Variants in CPPED1 observed in about 807,000 individuals in gnomAD.
CPPED1 encodes calcineurin like phosphoesterase domain containing 1, also known as serine/threonine-protein phosphatase CPPED1.
A neutral mutation model predicts 28.0 loss-of-function variants in CPPED1; 28 were observed. The ratio of observed to expected loss-of-function variants is 1.00; its 90% CI spans 0.74 to 1.37. The LOEUF (loss-of-function observed/expected upper bound fraction) is 1.37. Among genes scored for constraint, CPPED1 ranks in the 40% most tolerant of loss-of-function variants. The probability of loss-of-function intolerance (pLI) is 0.00; values close to 1 mark genes in which losing one functional copy is unlikely to be tolerated. For synonymous variants in CPPED1, 198 were observed against 180.2 expected (o/e 1.10, Z -0.79); for missense variants, 504 against 416.5 (o/e 1.21, Z -1.83).
intron 2 of CPPED1, among the ~76,000 whole-genome samples, chr16:12,771,607 T>A (rs2080470772): frequency 6.6e-6 from 1 of 152,234 alleles, no homozygotes; most frequent in African/African-American, 2.4e-5. Context: ...TTTTCAAAAT[T>A]ATGCCTCCGA....
intron 3 of CPPED1, among the ~76,000 whole-genome samples, chr16:12,671,427 G>T (rs2079852222): frequency 6.6e-6 from 1 of 152,040 alleles, no homozygotes; most frequent in Non-Finnish European, 1.5e-5. Context: ...AGACAAGAGA[G>T]CAAGGGGAGA....
At chr16:12,728,001 T>G (rs1014755595) in intron 2 of CPPED1, among the ~76,000 whole-genome samples, 5 of 152,254 alleles carry the variant, frequency 3.3e-5, no homozygotes, top group Non-Finnish European at 7.3e-5. Flanking sequence ...TCATACAAAC[T>G]GAATTAATTC....
intron 2 of CPPED1, among the ~76,000 whole-genome samples, chr16:12,715,636 A>G (rs139602644): frequency 0.034 from 5,157 of 152,252 alleles, 129 homozygotes; most frequent in East Asian, 0.1. Flanking sequence ...CTCCAGCCTG[A>G]GCAACAGAGC....
In CPPED1 at chr16:12,668,094, C is replaced by G. The variant is rs146994609; in HGVS notation, c.716-2979G>C. Among the ~76,000 whole-genome samples the G allele has an allele frequency of 1.1e-3, 160 of 152,158 alleles. 1 individual carries two copies. Among genetic ancestry groups the G allele is most frequent in the African/African-American group, 3.6e-3 (150 of 41,518 alleles). ...ATGCTGACAGCAAATAACTATGAAC[C>G]TCAAATTTTATTCCTAGCTAAACTA... On this transcript the variant is annotated intron_variant, in intron 3 of 3. Coordinates refer to ENST00000381774, the MANE Select transcript of CPPED1 (RefSeq NM_018340.3).
At chr16:12,737,720 T>A (rs1483565543) in intron 2 of CPPED1, among the ~76,000 whole-genome samples, 1 of 151,990 alleles carries the variant, frequency 6.6e-6, no homozygotes, top group African/African-American at 2.4e-5. Flanking sequence ...TGCTGAGCCA[T>A]GAGAAGAAAA....
intron 3 of CPPED1, among the ~76,000 whole-genome samples, chr16:12,701,504 T>G (rs2080020621): frequency 6.6e-6 from 1 of 152,130 alleles, no homozygotes; most frequent in Admixed American, 6.5e-5. Flanking sequence ...GCCACTGCAC[T>G]ACAGCCTGGG....
chr16:12,747,345 T>C (rs115451468), intron 2 of CPPED1, among the ~76,000 whole-genome samples: 2,106 of 151,982 alleles, frequency 0.014, 27 homozygotes, highest in Middle Eastern at 0.034. Context: ...GGTAGGAGGA[T>C]TGATTGAGCC....
chr16:12,785,884 A>G (rs970261116), intron 1 of CPPED1, among the ~76,000 whole-genome samples: 1 of 152,020 alleles, frequency 6.6e-6, no homozygotes, highest in South Asian at 2.1e-4. Flanking sequence ...GTATGGATAA[A>G]CTGAGGTCCA....
At chr16:12,801,864 C>T (rs1364243879) in intron 1 of CPPED1, among the ~76,000 whole-genome samples, 1 of 152,074 alleles carries the variant, frequency 6.6e-6, no homozygotes, top group Non-Finnish European at 1.5e-5. Context: ...GAACCACTGC[C>T]ACTCCCACGC....
chr16:12,695,266 T>C (rs573937965), intron 3 of CPPED1, among the ~76,000 whole-genome samples: 1 of 152,288 alleles, frequency 6.6e-6, no homozygotes, highest in Admixed American at 6.5e-5. Flanking sequence ...ATTTTATTTT[T>C]ATTTACTTAT....
chr16:12,674,886 G>C (rs1713469), intron 3 of CPPED1, among the ~76,000 whole-genome samples: 136,631 of 151,870 alleles, frequency 0.9, 62,333 homozygotes, highest in Non-Finnish European at 0.95. Context: ...AGAGGTCTGG[G>C]GGGGAGCATG....
rs1054941694 is a variant in CPPED1, at chr16:12,774,246, A to T, written c.289+6939T>A. Among the ~76,000 whole-genome samples, 5 of 152,174 alleles carry T rather than the reference A, an allele frequency of 3.3e-5. No individual in the cohort carries two copies. In the South Asian group the frequency reaches 1.0e-3, roughly 32 times the overall value. On this transcript the variant is annotated intron_variant, in intron 2 of 3. Transcript: ENST00000381774. The stretch of plus-strand genomic sequence containing the variant: ...CAGCACTTTGGGAGGCGAGGAGGGC[A>T]ATCACTTGAGGTCAGGAGTTCAACC...
intron 3 of CPPED1, among the ~76,000 whole-genome samples, chr16:12,695,657 A>C (rs1168493091): frequency 6.6e-6 from 1 of 152,214 alleles, no homozygotes; most frequent in African/African-American, 2.4e-5. Context: ...TACTCTTGCC[A>C]ATCTCCGGTT....
chr16:12,688,225 A>G (rs1483285463), intron 3 of CPPED1, among the ~76,000 whole-genome samples: 1 of 151,884 alleles, frequency 6.6e-6, no homozygotes, highest in Non-Finnish European at 1.5e-5. Flanking sequence ...CCCCTATCCA[A>G]TAGGTAGAAA....
In CPPED1 at chr16:12,664,389, G is replaced by GAC. The variant is rs2079813211; in HGVS notation, c.*496_*497insGT. The GAC allele has an allele frequency of 1.0e-6, 1 of 1,000,802 alleles. No homozygotes were observed. Among genetic ancestry groups the GAC allele is most frequent in the Non-Finnish European group, 1.2e-6 (1 of 840,862 alleles). 62.0% of individuals were successfully genotyped at this position (1,000,802 alleles called of 1,614,324 possible). On this transcript the variant is annotated 3_prime_UTR_variant, in exon 4 of 4. Transcript: ENST00000381774. The surrounding 1 kb of genome is among the most constrained non-coding windows in gnomAD (Gnocchi z 4.2). ...AGTCTGCATGGCTCTCACAACAAGG[G>GAC]AGACAGCTGTTCGTTCCGCTGGAAA...
intron 1 of CPPED1, among the ~76,000 whole-genome samples, chr16:12,786,237 G>C (rs2080562307): frequency 6.6e-6 from 1 of 152,188 alleles, no homozygotes; most frequent in Non-Finnish European, 1.5e-5. Context: ...CCCCAGCCCA[G>C]ATCCACTGGG....
chr16:12,803,316 G>T (rs2080671902), intron 1 of CPPED1, among the ~76,000 whole-genome samples: 2 of 152,172 alleles, frequency 1.3e-5, no homozygotes, highest in Non-Finnish European at 2.9e-5. Context: ...TGCACCGAAC[G>T]CTTATCCAGT....
intron 3 of CPPED1, among the ~76,000 whole-genome samples, chr16:12,696,665 A>T (rs1233035345): frequency 1.3e-5 from 2 of 151,448 alleles, no homozygotes; most frequent in Non-Finnish European, 2.9e-5. Flanking sequence ...CTGGTCTCGA[A>T]CTCCTGACCT....
At chr16:12,714,233 G>A (rs142037882) in intron 2 of CPPED1, among the ~76,000 whole-genome samples, 2 of 152,266 alleles carry the variant, frequency 1.3e-5, no homozygotes, top group Admixed American at 6.5e-5. Context: ...GAATTATGCT[G>A]CTATAAAAAT....
Sources: gnomAD v4.1 joint callset for allele counts (sites outside exome capture counted in the v4.1 genomes callset) on GRCh38, gnomAD v4.1.1 for gene constraint, Gnocchi (gnomAD v3.1) non-coding constraint, MANE v1.5 for transcripts, NCBI Gene and HGNC (gene_info 2026-07-23, HGNC 2026-07-21) for gene names.